Variants in AIM2 observed in about 807,000 individuals in gnomAD.
The protein encoded by AIM2 is absent in melanoma 2.
AIM2 carries 30 observed loss-of-function variants against 27.7 expected under a neutral mutation model. That is an observed-to-expected ratio of 1.08 (90% CI 0.81 to 1.47). AIM2 has a LOEUF of 1.47. AIM2 is among the 40% of genes most tolerant of loss of function. The pLI is 0.00. For synonymous variants in AIM2, 141 were observed against 145.3 expected (o/e 0.97, Z 0.21); for missense variants, 358 against 411.3 (o/e 0.87, Z 1.12).
intron 1 of AIM2, among the ~76,000 whole-genome samples, chr1:159,138,757 T>G (rs1304411987): frequency 6.6e-6 from 1 of 152,190 alleles, no homozygotes; most frequent in African/African-American, 2.4e-5. Flanking sequence ...AAGTCAGCAT[T>G]AATTCTTTCA....
chr1:159,138,585 A>G (rs1002864865), intron 1 of AIM2, among the ~76,000 whole-genome samples: 15 of 152,186 alleles, frequency 9.9e-5, no homozygotes, highest in Non-Finnish European at 1.9e-4. Flanking sequence ...GGAATCTACT[A>G]TTTTGGTGCC....
chr1:159,112,947 A>G (rs932884206), intron 1 of AIM2, among the ~76,000 whole-genome samples: 11 of 150,254 alleles, frequency 7.3e-5, no homozygotes, highest in African/African-American at 2.7e-4. Context: ...ATATATATAT[A>G]TATAATTTTT....
intron 1 of AIM2, among the ~76,000 whole-genome samples, chr1:159,137,151 C>T (rs1160645980): frequency 1.3e-5 from 2 of 152,206 alleles, no homozygotes; most frequent in African/African-American, 2.4e-5. Flanking sequence ...ACCTCCAAGC[C>T]TTATGTCAGT....
At chr1:159,135,983 G>A (rs1648003837) in intron 1 of AIM2, among the ~76,000 whole-genome samples, 2 of 152,140 alleles carry the variant, frequency 1.3e-5, no homozygotes, top group Admixed American at 1.3e-4. Context: ...TTAAAGCCCG[G>A]CATTGCCCCA....
chr1:159,110,924 C>T (rs909714999), intron 1 of AIM2, among the ~76,000 whole-genome samples: 2 of 152,116 alleles, frequency 1.3e-5, no homozygotes, highest in Admixed American at 1.3e-4. Flanking sequence ...GTGTGGGACT[C>T]TTGCAACATC....
intron 1 of AIM2, chr1:159,132,205 A>G (rs1647904905): frequency 6.6e-6 from 1 of 151,458 alleles, no homozygotes; most frequent in Admixed American, 6.6e-5. Flanking sequence ...AAAAAAAAAA[A>G]AAAAAAAAAG....
At chr1:159,134,793 T>C (rs371346945) in intron 1 of AIM2, among the ~76,000 whole-genome samples, 6 of 151,918 alleles carry the variant, frequency 3.9e-5, no homozygotes, top group Admixed American at 2.0e-4. Flanking sequence ...GATCGCGACA[T>C]TGCACTCCAG....
At position 159,094,439 on chromosome 1, in the gene AIM2, G is replaced by A. The variant is rs145588152; in HGVS notation, c.-15-28110C>T. ...AGGCCAGGTGCAGTGGCTCATGCCT[G>A]TAATTCCAGCACTTTGAGAGGCCGA... On this transcript the variant is annotated intron_variant, in intron 1 of 2. Coordinates refer to the AIM2 transcript ENST00000368129. 9.9e-3 allele frequency among the ~76,000 whole-genome samples: 1,511 copies of A among 152,312 alleles called. 13 individuals are homozygous for A. Among genetic ancestry groups the A allele is most frequent in the Non-Finnish European group, 0.017 (1,189 of 68,020 alleles).
At chr1:159,118,057 C>G (rs1007229961) in intron 1 of AIM2, among the ~76,000 whole-genome samples, 1 of 152,138 alleles carries the variant, frequency 6.6e-6, no homozygotes, top group Non-Finnish European at 1.5e-5. Flanking sequence ...TATACAGCCT[C>G]AATGCCTTTA....
At chr1:159,059,009 G>A (rs1655745834), downstream of AIM2, among the ~76,000 whole-genome samples, 1 of 152,146 alleles carries the variant, frequency 6.6e-6, no homozygotes, top group African/African-American at 2.4e-5. Context: ...CCCAGTGTGC[G>A]GGCTGGAGTT....
rs549258624 is a variant in AIM2 at position 159,096,043 on chromosome 1, G to A, written c.-15-29714C>T. Reference sequence around the variant, plus strand: ...CATGTTACCACAAGCCAGATTATAAGCTGTCTTGGTAGAGTACATCTGGGC... The same window carrying A: ...CATGTTACCACAAGCCAGATTATAAACTGTCTTGGTAGAGTACATCTGGGC... On this transcript the variant is annotated intron_variant, in intron 1 of 2. Transcript: ENST00000368129. Among the ~76,000 whole-genome samples, 10 of 152,278 alleles carry A rather than the reference G, an allele frequency of 6.6e-5. No homozygotes were observed. The South Asian group carries it at 1.5e-3, about 22-fold the overall frequency.
intron 1 of AIM2, among the ~76,000 whole-genome samples, chr1:159,124,429 G>A (rs1170411983): frequency 6.6e-6 from 1 of 152,174 alleles, no homozygotes; most frequent in Non-Finnish European, 1.5e-5. Flanking sequence ...TCTGGAAAAA[G>A]CGTCCTAGCC....
At chr1:159,131,791 C>G (rs1647893178) in intron 1 of AIM2, among the ~76,000 whole-genome samples, 2 of 152,148 alleles carry the variant, frequency 1.3e-5, no homozygotes, top group Non-Finnish European at 2.9e-5. Context: ...ACACCTTTAA[C>G]AGATAATCTA....
chr1:159,146,038 AG>A (rs1648196045), intron 1 of AIM2, among the ~76,000 whole-genome samples: 1 of 151,868 alleles, frequency 6.6e-6, no homozygotes, highest in Non-Finnish European at 1.5e-5. Context: ...CCTGGGAAGT[AG>A]AGGTTGCAGT....
chr1:159,141,325 C>T (rs1209461984), upstream of AIM2, among the ~76,000 whole-genome samples: 1 of 152,134 alleles, frequency 6.6e-6, no homozygotes, highest in Non-Finnish European at 1.5e-5. Context: ...CCGTCTTGGT[C>T]ACTATGTGCC....
intron 1 of AIM2, among the ~76,000 whole-genome samples, chr1:159,132,639 A>G (rs1379369516): frequency 6.6e-6 from 1 of 152,238 alleles, no homozygotes; most frequent in Non-Finnish European, 1.5e-5. Flanking sequence ...ACACATATAC[A>G]CATGCGTGTG....
At chr1:159,075,572 CACAT>C (rs1307499179) in intron 1 of AIM2, among the ~76,000 whole-genome samples, 6 of 142,640 alleles carry the variant, frequency 4.2e-5, no homozygotes, top group Middle Eastern at 3.3e-3. Flanking sequence ...CACACACACA[CACAT>C]ATATATATGG....
chr1:159,108,161 A>G (rs1428810463), intron 1 of AIM2, among the ~76,000 whole-genome samples: 1 of 152,176 alleles, frequency 6.6e-6, no homozygotes, highest in Non-Finnish European at 1.5e-5. Context: ...TTAACAAAAT[A>G]CTAGCTAACC....
intron 1 of AIM2, among the ~76,000 whole-genome samples, chr1:159,082,249 A>C (rs1322583517): frequency 1.3e-5 from 2 of 152,226 alleles, no homozygotes; most frequent in Non-Finnish European, 2.9e-5. Context: ...CCTAGCTGAT[A>C]ATTATAATAA....
Sources: gnomAD v4.1 joint callset for allele counts (sites outside exome capture counted in the v4.1 genomes callset) on GRCh38, gnomAD v4.1.1 for gene constraint, MANE v1.5 for transcripts, NCBI Gene and HGNC (gene_info 2026-07-23, HGNC 2026-07-21) for gene names.